The following FSTL5 variants were observed in gnomAD, a reference collection of about 807,000 sequenced individuals.
FSTL5 encodes the protein follistatin-related protein 5.
A neutral mutation model predicts 89.1 loss-of-function variants in FSTL5; 62 were observed. The observed-to-expected ratio is 0.70, with a 90% CI of 0.57 to 0.86. The LOEUF (loss-of-function observed/expected upper bound fraction) is 0.86, where lower values mean the gene tolerates loss of function less well. Ranked by LOEUF, FSTL5 falls within the 40% of genes least tolerant of loss-of-function variation. The probability of loss-of-function intolerance (pLI) is 0.00; values close to 1 mark genes in which losing one functional copy is unlikely to be tolerated. For synonymous variants in FSTL5, 383 were observed against 346.2 expected (o/e 1.11, Z -1.18); for missense variants, 1,057 against 1,001.6 (o/e 1.06, Z -0.75).
intron 4 of FSTL5, among the ~76,000 whole-genome samples, chr4:161,882,301 C>A (rs1732658711): frequency 6.6e-6 from 1 of 152,176 alleles, no homozygotes; most frequent in Non-Finnish European, 1.5e-5. Context: ...TAAATTGTTT[C>A]TCTTTAATTC....
chr4:162,136,761 T>C (rs978007845), intron 1 of FSTL5, among the ~76,000 whole-genome samples: 1 of 152,052 alleles, frequency 6.6e-6, no homozygotes, highest in African/African-American at 2.4e-5. Context: ...GATATTTATA[T>C]AGAAAGAAAA....
chr4:161,990,723 T>G (rs2111075180), intron 3 of FSTL5, among the ~76,000 whole-genome samples: 1 of 152,250 alleles, frequency 6.6e-6, no homozygotes, highest in East Asian at 1.9e-4. Flanking sequence ...ATCTTGGTGG[T>G]TTTCGGGTAG....
intron 15 of FSTL5, among the ~76,000 whole-genome samples, chr4:161,411,419 A>G (rs1731586534): frequency 6.6e-6 from 1 of 152,204 alleles, no homozygotes; most frequent in Admixed American, 6.5e-5. Context: ...CCTGATGAAC[A>G]TAGATGCAAA....
At position 161,651,812 on chromosome 4, in the gene FSTL5, A is replaced by T. The variant is rs116585949; in HGVS notation, c.894+4516T>A. 1.2e-3 allele frequency among the ~76,000 whole-genome samples: 179 copies of T among 152,310 alleles called. 1 individual carries two copies. Among genetic ancestry groups the T allele is most frequent in the African/African-American group, 4.2e-3 (173 of 41,566 alleles). ...GTTTGAATCCATAGCCCATGTTGCA[A>T]AACAATGTCATAATGGCTCCTGCAG... On this transcript the variant is annotated intron_variant, in intron 7 of 15. Coordinates refer to ENST00000306100, the MANE Select transcript of FSTL5 (RefSeq NM_020116.5).
At chr4:161,970,381 G>GT (rs1735447961) in intron 3 of FSTL5, among the ~76,000 whole-genome samples, 1 of 152,080 alleles carries the variant, frequency 6.6e-6, no homozygotes, top group Non-Finnish European at 1.5e-5. Context: ...CTGAATATCA[G>GT]TAAGAGTTCA....
intron 6 of FSTL5, among the ~76,000 whole-genome samples, chr4:161,748,093 G>A (rs994487224): frequency 6.6e-6 from 1 of 151,968 alleles, no homozygotes; most frequent in Non-Finnish European, 1.5e-5. Context: ...AAACATTGAT[G>A]AGTACTAATG....
At chr4:161,870,987 A>G (rs1228701968) in intron 4 of FSTL5, among the ~76,000 whole-genome samples, 1 of 152,138 alleles carries the variant, frequency 6.6e-6, no homozygotes, top group Non-Finnish European at 1.5e-5. Context: ...ATCTTTAAAA[A>G]TATAGCCACT....
intron 1 of FSTL5, among the ~76,000 whole-genome samples, chr4:162,159,904 G>T (rs946329144): frequency 2.0e-5 from 3 of 151,764 alleles, no homozygotes; most frequent in African/African-American, 7.3e-5. Context: ...CAAAAAAACT[G>T]GTATGTGCAC....
chr4:161,397,136 C>T lies in FSTL5; in HGVS notation c.1842-10687G>A, dbSNP rs558934186. ...CCTTTAACAATGTGAATGTCTTACC[C>T]ATGCAACAAATTTTGTTCTAGGTCA... On this transcript the variant is annotated intron_variant, in intron 15 of 15. Transcript: ENST00000306100. Among the ~76,000 whole-genome samples the T allele has an allele frequency of 8.3e-4, 126 of 152,130 alleles. 1 individual carries two copies. The highest frequency in any genetic ancestry group is 3.0e-3 in the African/African-American group (123 of 41,510).
intron 10 of FSTL5, among the ~76,000 whole-genome samples, chr4:161,522,934 T>A (rs1016736239): frequency 2.2e-5 from 3 of 136,472 alleles, no homozygotes; most frequent in African/African-American, 7.5e-5. Context: ...TTTGAATAAT[T>A]TTTATCCTCT....
At chr4:161,749,358 A>C (rs182021792) in intron 6 of FSTL5, among the ~76,000 whole-genome samples, 12 of 152,316 alleles carry the variant, frequency 7.9e-5, no homozygotes, top group Non-Finnish European at 1.5e-4. Flanking sequence ...ATTTCATAAA[A>C]ATGAATGAAA....
At chr4:161,813,236 A>G (rs12504194) in intron 4 of FSTL5, among the ~76,000 whole-genome samples, 34,486 of 151,880 alleles carry the variant, frequency 0.23, 4,527 homozygotes, top group East Asian at 0.43. Context: ...TCACCGTGTT[A>G]GCAAGGATGG....
intron 4 of FSTL5, among the ~76,000 whole-genome samples, chr4:161,834,894 T>A (rs940445558): frequency 4.0e-5 from 6 of 151,294 alleles, no homozygotes; most frequent in African/African-American, 1.5e-4. Context: ...AATTTATAGA[T>A]TCAATGCCAT....
chr4:161,439,638 A>G (rs972259929), intron 15 of FSTL5, among the ~76,000 whole-genome samples: 1 of 152,164 alleles, frequency 6.6e-6, no homozygotes, highest in African/African-American at 2.4e-5. Flanking sequence ...GTATCTGACC[A>G]TTGATAGGTA....
intron 1 of FSTL5, among the ~76,000 whole-genome samples, chr4:162,122,675 C>T (rs17041985): frequency 0.21 from 31,707 of 151,902 alleles, 3,538 homozygotes; most frequent in African/African-American, 0.22. Context: ...AAAACATATT[C>T]TATTACTTCT....
At chr4:161,682,345 T>C (rs1737554053) in intron 6 of FSTL5, among the ~76,000 whole-genome samples, 1 of 152,188 alleles carries the variant, frequency 6.6e-6, no homozygotes, top group Non-Finnish European at 1.5e-5. Context: ...TAAACTTCTC[T>C]CACTGTAAGT....
At chr4:161,735,654 TATAA>T (rs1739784367) in intron 6 of FSTL5, among the ~76,000 whole-genome samples, 1 of 152,172 alleles carries the variant, frequency 6.6e-6, no homozygotes, top group African/African-American at 2.4e-5. Flanking sequence ...ATGCGTATAG[TATAA>T]ATACTTTCAT....
chr4:161,593,701 A>G (rs1487961746), intron 7 of FSTL5, among the ~76,000 whole-genome samples: 2 of 152,126 alleles, frequency 1.3e-5, no homozygotes, highest in African/African-American at 4.8e-5. Context: ...ATCATATTAT[A>G]TACGATCAAT....
chr4:161,503,870 G>A (rs1044478426), intron 11 of FSTL5, among the ~76,000 whole-genome samples: 2 of 152,008 alleles, frequency 1.3e-5, no homozygotes, highest in Non-Finnish European at 1.5e-5. Context: ...GAGGTGCAAT[G>A]ATATGATTTT....
Sources: allele counts gnomAD v4.1 joint callset (sites outside exome capture counted in the v4.1 genomes callset), GRCh38; gene constraint gnomAD v4.1.1; transcripts MANE v1.5; gene names NCBI Gene and HGNC (gene_info 2026-07-23, HGNC 2026-07-21).